FGF13: variants seen among roughly 807,000 people sequenced by gnomAD.
FGF13 encodes fibroblast growth factor 13, also known as fibroblast growth factor homologous factor 2.
A neutral mutation model predicts 19.5 loss-of-function variants in FGF13; 2 were observed. The observed-to-expected ratio is 0.10, with a 90% CI of 0.04 to 0.32. The LOEUF is 0.32. Among genes scored for constraint, FGF13 ranks in the 10% least tolerant of loss-of-function variants. FGF13 has a pLI of 1.00. For synonymous variants in FGF13, 72 were observed against 76.9 expected (o/e 0.94, Z 0.33); for missense variants, 113 against 192.7 (o/e 0.59, Z 2.45).
At chrX:138,850,814 T>G (rs2091216620) in intron 3 of FGF13, among the ~76,000 whole-genome samples, 2 of 112,208 alleles carry the variant, frequency 1.8e-5, no homozygotes, top group Admixed American at 9.4e-5. Context: ...GGTGGTTTGC[T>G]GCACCTATCA....
At chrX:138,633,050 TAAGAA>T (rs2089138695) in intron 4 of FGF13, 64 bp from the exon 5 acceptor site, 1 of 1,127,286 alleles carries the variant, frequency 8.9e-7, no homozygotes, top group Admixed American at 2.3e-5. Flanking sequence ...TGAAAATTTC[TAAGAA>T]TAGTTTGTAG....
intron 2 of FGF13, 31 bp downstream of exon 2, chrX:138,708,787 G>T: frequency 1.1e-6 from 1 of 906,059 alleles, no homozygotes. Context: ...ACAACATGCT[G>T]GCATATACTA....
chrX:138,807,916 T>A (rs1282568623), intron 3 of FGF13, among the ~76,000 whole-genome samples: 1 of 111,756 alleles, frequency 8.9e-6, no homozygotes, highest in African/African-American at 3.3e-5. Flanking sequence ...ATGCACCCAA[T>A]ACAGGAGCAC....
chrX:138,718,871 A>C (rs950258566), intron 1 of FGF13, among the ~76,000 whole-genome samples: 6 of 112,440 alleles, frequency 5.3e-5, no homozygotes, highest in African/African-American at 1.9e-4. Flanking sequence ...GATAACACTC[A>C]ATAAATACTA....
At chrX:139,028,687 C>CTGTG (rs2092213445) in intron 1 of FGF13, among the ~76,000 whole-genome samples, 1 of 16,686 alleles carries the variant, frequency 6.0e-5, no homozygotes, top group African/African-American at 1.3e-4. Flanking sequence ...GTGTGAAAGA[C>CTGTG]AGTGTGTGTG....
At chrX:139,120,922 A>C (rs1450451053) in intron 1 of FGF13, among the ~76,000 whole-genome samples, 1 of 112,475 alleles carries the variant, frequency 8.9e-6, no homozygotes, top group Non-Finnish European at 1.9e-5. Context: ...AGAAAATAAC[A>C]AGCATGTTAC....
intron 1 of FGF13, among the ~76,000 whole-genome samples, chrX:139,044,750 G>A (rs1288088949): frequency 4.5e-5 from 5 of 111,853 alleles, no homozygotes; most frequent in Admixed American, 1.9e-4. Flanking sequence ...TTGACTCCAC[G>A]TCCCTCATCT....
At chrX:138,857,706 C>T in intron 2 of FGF13, 5 of 1,114,661 alleles carry the variant, frequency 4.5e-6, no homozygotes, top group South Asian at 2.5e-5. Flanking sequence ...ACAAAATGAA[C>T]TCAAGTTAGA....
rs2089065222 is a variant in FGF13 at position 138,626,553 on chromosome X, T to C, written c.*6297A>G. ...GCAATCTAAGTGTGATGCTTGCATG[T>C]CTATCTACCACTTTACACTGAGAGT... is the stretch of plus-strand genomic sequence containing the variant. On this transcript the variant is annotated 3_prime_UTR_variant, in exon 5 of 5. Transcript: ENST00000315930. The C allele has an allele frequency of 8.9e-6, 1 of 112,277 alleles. No individual in the cohort carries two copies. The highest frequency in any genetic ancestry group is 1.9e-5 in the Non-Finnish European group (1 of 53,267). 9.3% of individuals were successfully genotyped at this position (112,277 alleles called of 1,213,427 possible).
At chrX:138,669,989 C>G (rs2089595257) in intron 3 of FGF13, among the ~76,000 whole-genome samples, 1 of 111,888 alleles carries the variant, frequency 8.9e-6, no homozygotes, top group Admixed American at 9.5e-5. Context: ...CTTTCATTTT[C>G]AGACCTGAAT....
At chrX:138,746,997 C>G (rs756002106) in intron 3 of FGF13, among the ~76,000 whole-genome samples, 1 of 111,464 alleles carries the variant, frequency 9.0e-6, no homozygotes, top group Non-Finnish European at 1.9e-5. Flanking sequence ...TCCCTCGTAA[C>G]CAGGGCAGAC....
chrX:139,063,908 G>T (rs1183233021), intron 1 of FGF13, among the ~76,000 whole-genome samples: 1 of 111,349 alleles, frequency 9.0e-6, no homozygotes. Flanking sequence ...ATACTTGTTT[G>T]CTTGATCTAT....
At chrX:139,122,270 T>A (rs1212534523) in intron 1 of FGF13, among the ~76,000 whole-genome samples, 1 of 111,873 alleles carries the variant, frequency 8.9e-6, no homozygotes, top group East Asian at 2.8e-4. Flanking sequence ...TAATTGGGGA[T>A]GGTAATCATG....
chrX:138,768,685 T>TA (rs1301406905), intron 3 of FGF13, among the ~76,000 whole-genome samples: 1 of 101,057 alleles, frequency 9.9e-6, no homozygotes, highest in Non-Finnish European at 1.9e-5. Flanking sequence ...ATATCATACT[T>TA]ATATATAAGT....
intron 1 of FGF13, among the ~76,000 whole-genome samples, chrX:138,911,703 G>A (rs930511500): frequency 8.9e-6 from 1 of 111,761 alleles, no homozygotes; most frequent in African/African-American, 3.2e-5. Context: ...GGCCTTCACT[G>A]CTCTGAATCT....
chrX:138,676,597 A>T (rs11796709), intron 3 of FGF13, among the ~76,000 whole-genome samples: 1,510 of 110,926 alleles, frequency 0.014, 15 homozygotes, highest in South Asian at 0.023. Flanking sequence ...ATGGGAGAAA[A>T]TTTTTCCACG....
rs1239667591 is a variant in FGF13, at chrX:139,131,150, C to T, written c.-113+72266G>A. Reference sequence around the variant, plus strand: ...ATTGGGTAAACTAGTGTCAATTCAACATTTAAAAACAGTTTATGAGAGAAT... The same window carrying T: ...ATTGGGTAAACTAGTGTCAATTCAATATTTAAAAACAGTTTATGAGAGAAT... On this transcript the variant is annotated intron_variant, in intron 1 of 2. Transcript: ENST00000421460. Among the ~76,000 whole-genome samples, 3 of 111,090 alleles carry T rather than the reference C, an allele frequency of 2.7e-5. No homozygotes were observed. In the East Asian group the frequency reaches 8.6e-4, roughly 32 times the overall value.
rs1020406893 is a variant in FGF13, at chrX:138,628,986, C to G, written c.*3864G>C. The G allele has an allele frequency of 8.0e-5, 9 of 112,135 alleles. No homozygotes were observed. Among genetic ancestry groups the G allele is most frequent in the Non-Finnish European group, 1.7e-4 (9 of 53,252 alleles). 9.2% of individuals were successfully genotyped at this position (112,135 alleles called of 1,213,427 possible). A position where few individuals can be genotyped will look rare whatever the true frequency, so the allele number is the denominator to read the frequency against. On this transcript the variant is annotated 3_prime_UTR_variant, in exon 5 of 5. Coordinates refer to ENST00000315930, the MANE Select transcript of FGF13 (RefSeq NM_004114.5). ...TTGTTTTCTTTTCCATATTCATTCT[C>G]AGGCTAAATACAGTATAATGATTGA...
chrX:138,770,982 C>T (rs1001040664), intron 3 of FGF13, among the ~76,000 whole-genome samples: 4 of 111,161 alleles, frequency 3.6e-5, no homozygotes, highest in Non-Finnish European at 7.5e-5. Context: ...CCCCTCTGGC[C>T]TGGTAACATT....
Sources: allele counts gnomAD v4.1 joint callset (sites outside exome capture counted in the v4.1 genomes callset), GRCh38; gene constraint gnomAD v4.1.1; transcripts MANE v1.5; gene names NCBI Gene and HGNC (gene_info 2026-07-23, HGNC 2026-07-21).